USP32: variants seen among roughly 807,000 people sequenced by gnomAD.
The protein encoded by USP32 is ubiquitin carboxyl-terminal hydrolase 32.
In USP32, 59 loss-of-function variants were observed where a neutral mutation model predicts 204.8. The ratio of observed to expected loss-of-function variants is 0.29; its 90% CI spans 0.23 to 0.36. The LOEUF (loss-of-function observed/expected upper bound fraction) is 0.36, where lower values mean the gene tolerates loss of function less well. Among genes scored for constraint, USP32 ranks in the 10% least tolerant of loss-of-function variants. USP32 has a pLI of 1.00. For missense variants in USP32, 1,160 were observed against 1,946.4 expected (o/e 0.60, Z 7.60); for synonymous variants, 517 against 678.4 (o/e 0.76, Z 3.70).
Position 60,232,476 on chromosome 17 carries a change from A to T in USP32, c.1239+3662T>A, listed in dbSNP as rs113297876. The stretch of plus-strand genomic sequence containing the variant: ...GTGTGAGCCATTGCACCTGGCCCAA[A>T]TTTTTTTTTTTTTTTTTTTTAAACA... On this transcript the variant is annotated intron_variant, in intron 12 of 33. Transcript: ENST00000300896. Among the ~76,000 whole-genome samples the T allele has an allele frequency of 3.9e-3, 474 of 120,364 alleles. 4 individuals are homozygous for T. Among genetic ancestry groups the T allele is most frequent in the African/African-American group, 0.016 (443 of 26,882 alleles). 79.0% of individuals were successfully genotyped at this position (120,364 alleles called of 152,430 possible). A position where few individuals can be genotyped will look rare whatever the true frequency, so the allele number is the denominator to read the frequency against.
intron 24 of USP32, 129 bp from the exon 25 acceptor site, chr17:60,207,261 A>C: frequency 1.4e-6 from 2 of 1,389,748 alleles, no homozygotes; most frequent in Non-Finnish European, 9.5e-7. Context: ...TGATTGAATA[A>C]TTTTTCAACT....
At chr17:60,394,585 G>A (rs1299708016), upstream of USP32, among the ~76,000 whole-genome samples, 1 of 152,128 alleles carries the variant, frequency 6.6e-6, no homozygotes, top group Non-Finnish European at 1.5e-5. Context: ...TTCCAATGGG[G>A]TGCATTCTAA....
chr17:60,276,281 T>C (rs2086838069), intron 5 of USP32, among the ~76,000 whole-genome samples: 1 of 152,188 alleles, frequency 6.6e-6, no homozygotes, highest in African/African-American at 2.4e-5. Flanking sequence ...TTTTTAATGC[T>C]GAAGTATCTA....
rs548354782 is a variant in USP32 at position 60,236,481 on chromosome 17, TA to T, written c.1137-242del. Among the ~76,000 whole-genome samples, 201 of 151,390 alleles carry T rather than the reference TA, an allele frequency of 1.3e-3. 1 individual carries two copies. Among genetic ancestry groups the T allele is most frequent in the African/African-American group, 4.6e-3 (188 of 40,860 alleles). On this transcript the variant is annotated intron_variant, in intron 11 of 33. Coordinates refer to ENST00000300896, the MANE Select transcript of USP32 (RefSeq NM_032582.4). ...AAGATTCTGGGAAAAACTTAAAAATTAAAAAAAATTAGAAAAACAACTGGTG... is the reference window on the plus strand; with the variant it reads ...AAGATTCTGGGAAAAACTTAAAAATTAAAAAAATTAGAAAAACAACTGGTG...
Position 60,177,641 on chromosome 17 carries a change from G to A in USP32, c.*1614C>T, listed in dbSNP as rs2083998927. ...ATACTGAAAATCTTGAAACTATAAA[G>A]TATGCATTTTGTCTGACTTTATTAC... On this transcript the variant is annotated 3_prime_UTR_variant, in exon 34 of 34. Transcript: ENST00000300896. Among the ~76,000 whole-genome samples the A allele has an allele frequency of 6.6e-6, 1 of 152,170 alleles. No individual in the cohort carries two copies. The highest frequency in any genetic ancestry group is 2.4e-5 in the African/African-American group (1 of 41,428).
intron 11 of USP32, among the ~76,000 whole-genome samples, chr17:60,241,966 C>T (rs1392907374): frequency 6.6e-6 from 1 of 152,138 alleles, no homozygotes; most frequent in African/African-American, 2.4e-5. Context: ...AGATTTTCTA[C>T]ATTTGCTTTT....
intron 2 of USP32, among the ~76,000 whole-genome samples, chr17:60,315,283 C>G (rs1484024198): frequency 6.6e-6 from 1 of 152,058 alleles, no homozygotes; most frequent in Non-Finnish European, 1.5e-5. Context: ...GCCTGTAGTC[C>G]CAGCTACTCA....
chr17:60,268,224 C>T (rs542947947), intron 7 of USP32, among the ~76,000 whole-genome samples: 9 of 151,996 alleles, frequency 5.9e-5, no homozygotes, highest in African/African-American at 2.2e-4. Flanking sequence ...ATTAGTTCAT[C>T]AGCAAAAAAA....
chr17:60,283,132 A>T (rs2087012086), intron 5 of USP32, among the ~76,000 whole-genome samples: 1 of 152,234 alleles, frequency 6.6e-6, no homozygotes, highest in Admixed American at 6.5e-5. Flanking sequence ...TTGATGACAA[A>T]CAATCATCTC....
intron 1 of USP32, among the ~76,000 whole-genome samples, chr17:60,376,836 T>C (rs1230268791): frequency 2.6e-5 from 4 of 151,952 alleles, no homozygotes; most frequent in African/African-American, 9.7e-5. Context: ...GTTGGGAAAA[T>C]TTTTTCATAC....
At chr17:60,400,784 G>A (rs1351026120) in intron 1 of USP32, among the ~76,000 whole-genome samples, 1 of 152,158 alleles carries the variant, frequency 6.6e-6, no homozygotes, top group African/African-American at 2.4e-5. Flanking sequence ...TATTTGGGAT[G>A]CTGAGTCGGG....
At chr17:60,380,691 T>C (rs1598302775) in intron 1 of USP32, among the ~76,000 whole-genome samples, 1 of 152,286 alleles carries the variant, frequency 6.6e-6, no homozygotes, top group South Asian at 2.1e-4. Flanking sequence ...ATAAATTACA[T>C]GGGAGAAAAA....
At chr17:60,256,333 T>TC (rs2086304164) in intron 9 of USP32, among the ~76,000 whole-genome samples, 1 of 152,142 alleles carries the variant, frequency 6.6e-6, no homozygotes. Flanking sequence ...ATCACTAGAT[T>TC]ATGACTAACA....
intron 2 of USP32, among the ~76,000 whole-genome samples, chr17:60,314,954 C>T (rs1567847495): frequency 6.6e-6 from 1 of 152,098 alleles, no homozygotes; most frequent in Non-Finnish European, 1.5e-5. Context: ...AAAAAACAGC[C>T]TAGGATTATA....
At chr17:60,293,756 G>A (rs2087347441) in intron 4 of USP32, among the ~76,000 whole-genome samples, 1 of 152,150 alleles carries the variant, frequency 6.6e-6, no homozygotes, top group Non-Finnish European at 1.5e-5. Context: ...ATACAGTCAG[G>A]AAGGCAGAGC....
At chr17:60,221,508 CTT>C (rs938743111) in intron 15 of USP32, among the ~76,000 whole-genome samples, 18 of 142,162 alleles carry the variant, frequency 1.3e-4, no homozygotes, top group Non-Finnish European at 7.7e-5. Context: ...GTGTTTCTTT[CTT>C]TTTTTTTTTT....
intron 29 of USP32, among the ~76,000 whole-genome samples, chr17:60,186,510 T>A (rs553354032): frequency 3.9e-5 from 6 of 152,338 alleles, no homozygotes; most frequent in African/African-American, 1.4e-4. Context: ...CACAGAGTTA[T>A]CAGAATACCA....
intron 2 of USP32, among the ~76,000 whole-genome samples, chr17:60,344,048 A>C (rs1214509716): frequency 6.6e-6 from 1 of 152,116 alleles, no homozygotes; most frequent in Non-Finnish European, 1.5e-5. Context: ...GAAAAAAAGA[A>C]AATAAAAAGA....
intron 9 of USP32, among the ~76,000 whole-genome samples, chr17:60,258,724 T>C (rs1241058567): frequency 6.6e-6 from 1 of 152,230 alleles, no homozygotes; most frequent in Non-Finnish European, 1.5e-5. Context: ...AGTTTGAATG[T>C]TTACAGGACA....
Sources: gnomAD v4.1 joint callset for allele counts (sites outside exome capture counted in the v4.1 genomes callset) on GRCh38, gnomAD v4.1.1 for gene constraint, MANE v1.5 for transcripts, NCBI Gene and HGNC (gene_info 2026-07-23, HGNC 2026-07-21) for gene names.